The following TMBIM1 variants were observed in gnomAD, a reference collection of about 807,000 sequenced individuals.
The protein encoded by TMBIM1 is protein lifeguard 3.
TMBIM1 carries 34 observed loss-of-function variants against 45.1 expected under a neutral mutation model. The ratio of observed to expected loss-of-function variants is 0.75; its 90% CI spans 0.57 to 1.00. The LOEUF is 1.00. Ranked by LOEUF, TMBIM1 falls within the 50% of genes least tolerant of loss-of-function variation. The pLI is 0.00. For synonymous variants in TMBIM1, 157 were observed against 153.5 expected (o/e 1.02, Z -0.17); for missense variants, 374 against 402.4 (o/e 0.93, Z 0.60).
chr2:218,281,303 G>A (rs1471211645), intron 2 of TMBIM1, among the ~76,000 whole-genome samples: 1 of 151,104 alleles, frequency 6.6e-6, no homozygotes, highest in African/African-American at 2.4e-5. Flanking sequence ...ACCCGGCTAA[G>A]TTTTTGTATT....
At position 218,291,877 on chromosome 2, in the gene TMBIM1, G is replaced by A. The variant is rs569396001; in HGVS notation, c.-41+589C>T. ...GGGCAAAGTCATGGTGATAGAGGTGGCCACTTCCCCATGCCAAACACTTGA... is the reference window on the plus strand; with the variant it reads ...GGGCAAAGTCATGGTGATAGAGGTGACCACTTCCCCATGCCAAACACTTGA... On this transcript the variant is annotated intron_variant, in intron 1 of 11. Coordinates refer to ENST00000258412, the MANE Select transcript of TMBIM1 (RefSeq NM_022152.6). Among the ~76,000 whole-genome samples the A allele has an allele frequency of 2.1e-4, 32 of 152,260 alleles. No individual in the cohort carries two copies. In the South Asian group the frequency reaches 6.4e-3, roughly 31 times the overall value.
intron 6 of TMBIM1, 123 bp from the exon 7 acceptor site, chr2:218,278,097 A>G: frequency 4.3e-6 from 5 of 1,153,458 alleles, no homozygotes; most frequent in African/African-American, 1.5e-5. Flanking sequence ...CCAAGGAGGG[A>G]GGTTGGCATG....
chr2:218,279,839 CAA>C (rs945424118), intron 3 of TMBIM1, among the ~76,000 whole-genome samples, 185 bp downstream of exon 3: 1 of 130,294 alleles, frequency 7.7e-6, no homozygotes, highest in African/African-American at 2.6e-5. Context: ...AAGAGAGGTG[CAA>C]AAAGAGAGGG....
intron 11 of TMBIM1, 119 bp downstream of exon 11, chr2:218,275,907 G>C (rs1219697744): frequency 3.0e-5 from 37 of 1,229,692 alleles, no homozygotes; most frequent in Non-Finnish European, 4.1e-5. Context: ...AGTAGTGAGA[G>C]GAATGGCCTG....
In TMBIM1 at chr2:218,277,469, A is replaced by C; in HGVS notation, c.552-16T>G. 6.2e-7 allele frequency: 1 copy of C among 1,613,824 alleles called. No homozygotes were observed. Among genetic ancestry groups the C allele is most frequent in the Non-Finnish European group, 8.5e-7 (1 of 1,179,716 alleles). ...TTGGTACATACTGGGGAGAAGCAGG[A>C]GTTACAGACAAGAGGCATTAAGCCA... On this transcript the variant is annotated splice_polypyrimidine_tract_variant and intron_variant, in intron 8 of 11. Coordinates refer to ENST00000258412, the MANE Select transcript of TMBIM1 (RefSeq NM_022152.6).
rs138996100 is a variant in TMBIM1, at chr2:218,282,740, A to G, written c.-40-559T>C. On this transcript the variant is annotated intron_variant, in intron 1 of 11. Transcript: ENST00000258412. ...AGCTAGCCCCAGTGCCAGAGCTGCC[A>G]GGCCCCGAGGAGGAAGGGATCCAGG... 4.2e-3 allele frequency among the ~76,000 whole-genome samples: 640 copies of G among 152,298 alleles called. 7 individuals carry two copies. Among genetic ancestry groups the G allele is most frequent in the African/African-American group, 0.015 (608 of 41,580 alleles).
chr2:218,290,435 G>A (rs575680549), intron 1 of TMBIM1, among the ~76,000 whole-genome samples: 27 of 152,252 alleles, frequency 1.8e-4, no homozygotes, highest in African/African-American at 5.5e-4. Flanking sequence ...ACCTCTGTGC[G>A]TACACCCAGC....
At chr2:218,283,588 G>T (rs1692238644) in intron 1 of TMBIM1, among the ~76,000 whole-genome samples, 1 of 152,202 alleles carries the variant, frequency 6.6e-6, no homozygotes, top group Admixed American at 6.5e-5. Context: ...ACCCCCAGAT[G>T]CAGGTCAGCA....
chr2:218,276,327 T>C (rs1691208745), intron 10 of TMBIM1, among the ~76,000 whole-genome samples: 1 of 152,114 alleles, frequency 6.6e-6, no homozygotes, highest in African/African-American at 2.4e-5. Flanking sequence ...GGTACACAAG[T>C]GTCTACTATA....
chr2:218,275,414 G>T lies in TMBIM1; in HGVS notation c.*61C>A. ...CCTAAAGCCCAGACCACAGTCATAG[G>T]GCCCAGCCCTCTAGCTTGGAAGGGA... On this transcript the variant is annotated 3_prime_UTR_variant, in exon 12 of 12. Coordinates refer to ENST00000258412, the MANE Select transcript of TMBIM1 (RefSeq NM_022152.6). 1 of 1,560,658 alleles carries T rather than the reference G, an allele frequency of 6.4e-7. No homozygotes were observed. Among genetic ancestry groups the T allele is most frequent in the Non-Finnish European group, 8.7e-7 (1 of 1,156,060 alleles).
chr2:218,291,227 A>C (rs1692907175), intron 1 of TMBIM1, among the ~76,000 whole-genome samples: 1 of 152,134 alleles, frequency 6.6e-6, no homozygotes, highest in African/African-American at 2.4e-5. Context: ...ATAGCACAGA[A>C]AGACAGGGCC....
At chr2:218,280,267 G>T in intron 2 of TMBIM1, 141 bp from the exon 3 acceptor site, 1 of 661,762 alleles carries the variant, frequency 1.5e-6, no homozygotes, top group Non-Finnish European at 2.7e-6. Context: ...CCCAAGCTGG[G>T]GTCTTCTAGA....
At chr2:218,279,957 G>A in intron 3 of TMBIM1, 69 bp downstream of exon 3, 2 of 1,153,826 alleles carry the variant, frequency 1.7e-6, no homozygotes, top group South Asian at 2.5e-5. Context: ...GGCTACTGTG[G>A]CCTACCCACT....
intron 2 of TMBIM1, 68 bp from the exon 3 acceptor site, chr2:218,280,194 T>C (rs1476021667): frequency 8.6e-7 from 1 of 1,161,354 alleles, no homozygotes; most frequent in Non-Finnish European, 1.3e-6. Flanking sequence ...AAAGCCTCCC[T>C]GACAATCTCA....
At chr2:218,291,083 C>G (rs990300111) in intron 1 of TMBIM1, among the ~76,000 whole-genome samples, 1 of 152,112 alleles carries the variant, frequency 6.6e-6, no homozygotes, top group Admixed American at 6.5e-5. Flanking sequence ...GCTGAGGCAC[C>G]CATTCCCAGG....
intron 2 of TMBIM1, 23 bp downstream of exon 2, chr2:218,281,917 C>A: frequency 6.4e-7 from 1 of 1,562,864 alleles, no homozygotes; most frequent in Non-Finnish European, 8.7e-7. Context: ...CACCCACCTT[C>A]CATCTGCCCT....
At chr2:218,276,904 AGCCTGCCCCGGGGACCTTTGGG>A (rs1035733363) in intron 10 of TMBIM1, 78 bp downstream of exon 10, 53 of 957,172 alleles carry the variant, frequency 5.5e-5, no homozygotes, top group Non-Finnish European at 7.9e-5. Context: ...TGGAGGTCAG[AGCCTGCCCCGGGGACCTTTGGG>A]GCCTGCGAGA....
intron 6 of TMBIM1, 195 bp from the exon 7 acceptor site, chr2:218,278,169 T>C: frequency 6.3e-6 from 4 of 634,214 alleles, no homozygotes; most frequent in Non-Finnish European, 1.1e-5. Context: ...GACAGACCTG[T>C]GTTGTGGCGC....
chr2:218,275,648 A>G (rs747301224), intron 11 of TMBIM1, 27 bp from the exon 12 acceptor site: 32 of 1,599,518 alleles, frequency 2.0e-5, no homozygotes, highest in Non-Finnish European at 2.7e-5. Context: ...GCCAGAAGTG[A>G]GAACTCAGGC....
Sources: gnomAD v4.1 joint callset for allele counts (sites outside exome capture counted in the v4.1 genomes callset) on GRCh38, gnomAD v4.1.1 for gene constraint, MANE v1.5 for transcripts, NCBI Gene and HGNC (gene_info 2026-07-23, HGNC 2026-07-21) for gene names.